CLYBL: variants seen among roughly 807,000 people sequenced by gnomAD.
CLYBL encodes the protein citramalyl-CoA lyase, mitochondrial.
In CLYBL, 31 loss-of-function variants were observed where a neutral mutation model predicts 38.9. That is an observed-to-expected ratio of 0.80 (90% CI 0.60 to 1.08). The LOEUF is 1.08. Ranked by LOEUF, CLYBL falls within the 50% of genes least tolerant of loss-of-function variation. The probability of loss-of-function intolerance (pLI) is 0.00; values close to 1 mark genes in which losing one functional copy is unlikely to be tolerated. For synonymous variants in CLYBL, 171 were observed against 158.6 expected (o/e 1.08, Z -0.59); for missense variants, 434 against 411.6 (o/e 1.05, Z -0.47).
chr13:99,726,832 T>C (rs2048482014), intron 1 of CLYBL, among the ~76,000 whole-genome samples: 1 of 152,076 alleles, frequency 6.6e-6, no homozygotes, highest in Non-Finnish European at 1.5e-5. Flanking sequence ...ACTTGCTCTG[T>C]GCCACAAAAA....
At chr13:99,871,165 T>C (rs1168026345) in intron 7 of CLYBL, 103 bp downstream of exon 7, 9 of 1,331,520 alleles carry the variant, frequency 6.8e-6, no homozygotes, top group Non-Finnish European at 9.7e-6. Context: ...ACTCATCGTA[T>C]CTGGAGAGGG....
chr13:99,900,426 G>C (rs2052628755), downstream of CLYBL, among the ~76,000 whole-genome samples: 1 of 152,072 alleles, frequency 6.6e-6, no homozygotes, highest in Non-Finnish European at 1.5e-5. Flanking sequence ...CTCGGTGCTG[G>C]AGATGTTCTG....
chr13:99,864,787 T>G, intron 4 of CLYBL, 31 bp from the exon 5 acceptor site: 9 of 1,508,738 alleles, frequency 6.0e-6, no homozygotes, highest in South Asian at 1.1e-5. Context: ...CGCGTTTCCG[T>G]GAGACTTAGT....
chr13:99,848,571 A>G lies in CLYBL; in HGVS notation c.250-10290A>G, dbSNP rs922115549. 2.0e-5 allele frequency among the ~76,000 whole-genome samples: 3 copies of G among 152,256 alleles called. No individual in the cohort carries two copies. In the East Asian group the frequency reaches 5.8e-4, roughly 29 times the overall value. On this transcript the variant is annotated intron_variant, in intron 2 of 8. Coordinates refer to ENST00000339105, the MANE Select transcript of CLYBL (RefSeq NM_206808.5). The stretch of plus-strand genomic sequence containing the variant: ...TCTGGATGTTTGGCCATAAGTACAT[A>G]AAACAACCAGATGAGTGATTGTGTT...
intron 1 of CLYBL, among the ~76,000 whole-genome samples, chr13:99,722,216 C>T (rs1037290365): frequency 1.3e-5 from 2 of 152,164 alleles, no homozygotes; most frequent in Non-Finnish European, 1.5e-5. Context: ...CAGTTTCCCC[C>T]TCATCTTGCA....
chr13:99,842,693 A>G (rs562646867), intron 2 of CLYBL, among the ~76,000 whole-genome samples: 2 of 146,152 alleles, frequency 1.4e-5, no homozygotes, highest in South Asian at 2.3e-4. Flanking sequence ...GGGAGTTTAA[A>G]TCTGTACAGC....
intron 2 of CLYBL, among the ~76,000 whole-genome samples, chr13:99,823,834 G>T (rs983437904): frequency 3.9e-5 from 6 of 152,128 alleles, no homozygotes; most frequent in Non-Finnish European, 5.9e-5. Context: ...CCAACAAGTT[G>T]TCATCCACTG....
intron 2 of CLYBL, among the ~76,000 whole-genome samples, chr13:99,821,147 G>C (rs1000277857): frequency 1.3e-5 from 2 of 152,210 alleles, no homozygotes; most frequent in African/African-American, 4.8e-5. Flanking sequence ...GGGGTTTCCG[G>C]ATGGGCTGGG....
intron 1 of CLYBL, among the ~76,000 whole-genome samples, chr13:99,674,142 C>CTT (rs1167068936): frequency 0.036 from 1,843 of 51,168 alleles, 388 homozygotes; most frequent in African/African-American, 0.086. Flanking sequence ...TACTAGAATT[C>CTT]TTTTTTTTTT....
chr13:99,746,962 C>T (rs986237879), intron 1 of CLYBL, among the ~76,000 whole-genome samples: 2 of 152,204 alleles, frequency 1.3e-5, no homozygotes, highest in Non-Finnish European at 1.5e-5. Flanking sequence ...AGATGCTAAT[C>T]GCATTGTGTG....
intron 1 of CLYBL, among the ~76,000 whole-genome samples, chr13:99,685,705 T>C (rs2047806988): frequency 6.6e-6 from 1 of 152,196 alleles, no homozygotes; most frequent in Non-Finnish European, 1.5e-5. Context: ...CTCAAGCCTG[T>C]AATCCCAGCA....
chr13:99,755,447 G>A (rs1329112330), intron 1 of CLYBL, among the ~76,000 whole-genome samples: 1 of 152,116 alleles, frequency 6.6e-6, no homozygotes, highest in East Asian at 1.9e-4. Context: ...TGTGATCATG[G>A]CCCTGCAGAC....
intron 1 of CLYBL, among the ~76,000 whole-genome samples, chr13:99,709,629 G>A (rs921418606): frequency 2.6e-5 from 4 of 152,182 alleles, no homozygotes; most frequent in African/African-American, 9.7e-5. Flanking sequence ...TGAAAAGATA[G>A]AATTTGTTTT....
chr13:99,733,569 T>A (rs1378137808), intron 1 of CLYBL, among the ~76,000 whole-genome samples: 1 of 152,240 alleles, frequency 6.6e-6, no homozygotes, highest in Non-Finnish European at 1.5e-5. Context: ...CAGGTCATTA[T>A]CGAAGTAGAT....
intron 1 of CLYBL, among the ~76,000 whole-genome samples, chr13:99,710,479 A>G (rs1468028940): frequency 1.3e-5 from 2 of 152,138 alleles, no homozygotes; most frequent in African/African-American, 4.8e-5. Flanking sequence ...GGTCCTTGTC[A>G]TTGAGACTTA....
intron 1 of CLYBL, among the ~76,000 whole-genome samples, chr13:99,681,691 A>T (rs1240137230): frequency 6.6e-6 from 1 of 152,044 alleles, no homozygotes; most frequent in East Asian, 1.9e-4. Flanking sequence ...GGTTCAAGCG[A>T]TTCTCCTGCC....
rs768102404 is a variant in CLYBL at position 99,864,866 on chromosome 13, C to G, written c.589C>G (p.Leu197Val). Residue 197 changes from leucine to valine, a missense_variant, in exon 5 of 9, where the codon CTA becomes GTA. Transcript: ENST00000339105. Reference sequence around the variant, plus strand: ...GGTCGGGCCTCAAGTAGGTCTCTTTCTAGATGCAGTCGTTTTTGGAGGAGA... The same window carrying G: ...GGTCGGGCCTCAAGTAGGTCTCTTTGTAGATGCAGTCGTTTTTGGAGGAGA... ...LKVGPQVGLF[L>V]DAVVFGGEDF... is the part of the protein sequence containing the mutation. 6.2e-7 allele frequency: 1 copy of G among 1,614,068 alleles called. No homozygotes were observed. Among genetic ancestry groups the G allele is most frequent in the Non-Finnish European group, 8.5e-7 (1 of 1,179,974 alleles).
rs550701420 is a variant in CLYBL, at chr13:99,723,057, G to A, written c.63-49767G>A. ...CACTTCTCTGCTAATCAATTACAGC[G>A]TTTATCCATTAATCAGGCATTCTGA... is the stretch of plus-strand genomic sequence containing the variant. On this transcript the variant is annotated intron_variant, in intron 1 of 8. Coordinates refer to ENST00000339105, the MANE Select transcript of CLYBL (RefSeq NM_206808.5). Among the ~76,000 whole-genome samples the A allele has an allele frequency of 2.0e-4, 30 of 152,342 alleles. No individual in the cohort carries two copies. The South Asian group carries it at 4.3e-3, about 22-fold the overall frequency.
intron 1 of CLYBL, among the ~76,000 whole-genome samples, chr13:99,769,505 A>G (rs1295994858): frequency 6.6e-6 from 1 of 152,228 alleles, no homozygotes; most frequent in African/African-American, 2.4e-5. Context: ...AGGGAAATGT[A>G]TATGTTGCAA....
Sources: gnomAD v4.1 joint callset for allele counts (sites outside exome capture counted in the v4.1 genomes callset) on GRCh38, gnomAD v4.1.1 for gene constraint, MANE v1.5 for transcripts, NCBI Gene and HGNC (gene_info 2026-07-23, HGNC 2026-07-21) for gene names.